Variants in CWF19L2 observed in about 807,000 individuals in gnomAD.
The protein encoded by CWF19L2 is CWF19-like protein 2.
CWF19L2 carries 98 observed loss-of-function variants against 111.7 expected under a neutral mutation model. That is an observed-to-expected ratio of 0.88 (90% CI 0.75 to 1.04). The LOEUF (loss-of-function observed/expected upper bound fraction) is 1.04, where lower values mean the gene tolerates loss of function less well. CWF19L2 is among the 50% of genes least tolerant of loss of function. The pLI is 0.00. For synonymous variants in CWF19L2, 351 were observed against 342.9 expected, an observed-to-expected ratio of 1.02 and a Z score of -0.26; for missense variants, 1,101 against 1,051.4, an observed-to-expected ratio of 1.05 and a Z score of -0.65.
intron 10 of CWF19L2, chr11:107,404,522 G>A: frequency 1.4e-6 from 1 of 713,476 alleles, no homozygotes; most frequent in Non-Finnish European, 2.6e-6. Flanking sequence ...CACAAACCTT[G>A]GAGTGCTGGG....
intron 7 of CWF19L2, among the ~76,000 whole-genome samples, chr11:107,430,799 G>C (rs145502601): frequency 6.6e-6 from 1 of 152,044 alleles, no homozygotes; most frequent in Non-Finnish European, 1.5e-5. Flanking sequence ...ACGATGTACA[G>C]TATGAGGACT....
At chr11:107,415,638 A>G (rs1283672426) in intron 10 of CWF19L2, among the ~76,000 whole-genome samples, 2 of 152,236 alleles carry the variant, frequency 1.3e-5, no homozygotes, top group East Asian at 3.8e-4. Flanking sequence ...AGTAAGCAGC[A>G]CAGTCCAGAA....
intron 10 of CWF19L2, among the ~76,000 whole-genome samples, chr11:107,396,412 A>G (rs1860922718): frequency 6.6e-6 from 1 of 152,210 alleles, no homozygotes; most frequent in Non-Finnish European, 1.5e-5. Context: ...AACAAATCCC[A>G]AAATGCTCTG....
intron 10 of CWF19L2, among the ~76,000 whole-genome samples, chr11:107,398,927 C>A (rs1459031622): frequency 1.3e-5 from 2 of 152,130 alleles, no homozygotes; most frequent in Non-Finnish European, 2.9e-5. Flanking sequence ...TTGTATCCAG[C>A]AAAACTAAGC....
intron 14 of CWF19L2, among the ~76,000 whole-genome samples, chr11:107,337,365 TTTTGTGTGTG>T (rs1859941190): frequency 8.8e-6 from 1 of 114,076 alleles, no homozygotes; most frequent in Admixed American, 9.0e-5. Flanking sequence ...GAGGTGTGTG[TTTTGTGTGTG>T]TGTGTGTGTG....
chr11:107,362,035 C>T (rs544147598), intron 12 of CWF19L2, among the ~76,000 whole-genome samples: 1 of 152,266 alleles, frequency 6.6e-6, no homozygotes, highest in Admixed American at 6.5e-5. Flanking sequence ...TCAGGGAGTT[C>T]CCTTTCTGAG....
chr11:107,361,759 T>G (rs1363985830), intron 12 of CWF19L2, among the ~76,000 whole-genome samples: 1 of 152,232 alleles, frequency 6.6e-6, no homozygotes, highest in Non-Finnish European at 1.5e-5. Context: ...CCTTGATGAC[T>G]TCATTCTCAG....
chr11:107,332,610 A>T (rs959360395), intron 16 of CWF19L2, among the ~76,000 whole-genome samples: 1 of 151,954 alleles, frequency 6.6e-6, no homozygotes, highest in African/African-American at 2.4e-5. Context: ...ATTATTAAGG[A>T]CATAAAGTTT....
chr11:107,348,898 A>C, intron 14 of CWF19L2, 39 bp downstream of exon 14: 1 of 1,206,782 alleles, frequency 8.3e-7, no homozygotes, highest in Non-Finnish European at 1.2e-6. Flanking sequence ...AAAATTGCTC[A>C]TGAGTTTTAA....
intron 14 of CWF19L2, among the ~76,000 whole-genome samples, chr11:107,345,980 A>C (rs560425320): frequency 3.2e-4 from 49 of 152,220 alleles, no homozygotes; most frequent in Admixed American, 8.5e-4. Flanking sequence ...ACTACTTTCC[A>C]CATTTCTAAC....
chr11:107,378,217 C>A (rs1049214474), intron 12 of CWF19L2, among the ~76,000 whole-genome samples: 1 of 149,066 alleles, frequency 6.7e-6, no homozygotes, highest in East Asian at 2.0e-4. Context: ...GGCGATTCCT[C>A]GGGGATCTAC....
At chr11:107,356,771 C>T (rs1447980442) in intron 12 of CWF19L2, among the ~76,000 whole-genome samples, 1 of 152,216 alleles carries the variant, frequency 6.6e-6, no homozygotes, top group Non-Finnish European at 1.5e-5. Context: ...GGCACAGTGG[C>T]TCATGCCTGT....
intron 10 of CWF19L2, among the ~76,000 whole-genome samples, chr11:107,407,212 A>G (rs144445689): frequency 0.011 from 1,741 of 152,224 alleles, 20 homozygotes; most frequent in Non-Finnish European, 0.017. Context: ...CAGTTTTTAT[A>G]AAGCACATTA....
At position 107,356,194 on chromosome 11, in the gene CWF19L2, AC is replaced by A. The variant is rs534066558; in HGVS notation, c.1873-2459del. On this transcript the variant is annotated intron_variant, in intron 12 of 17. Transcript: ENST00000282251. Reference sequence around the variant, plus strand: ...AGAAATGACTTTAAACAGCAATAAAACAAAAATACAACATATCAGAATTTGT... The same window carrying A: ...AGAAATGACTTTAAACAGCAATAAAAAAAAATACAACATATCAGAATTTGT... Among the ~76,000 whole-genome samples the A allele has an allele frequency of 1.7e-3, 253 of 152,330 alleles. 2 individuals are homozygous for A. The highest frequency in any genetic ancestry group is 3.5e-4 in the Non-Finnish European group (24 of 68,032).
intron 10 of CWF19L2, among the ~76,000 whole-genome samples, chr11:107,399,307 T>C (rs914764026): frequency 3.9e-5 from 6 of 152,098 alleles, no homozygotes; most frequent in African/African-American, 1.2e-4. Context: ...ACCAACCAAC[T>C]ATGTGCCACC....
Position 107,372,941 on chromosome 11 carries a change from A to G in CWF19L2, c.1872+17133T>C, listed in dbSNP as rs553215414. Among the ~76,000 whole-genome samples the G allele has an allele frequency of 4.2e-5, 5 of 119,740 alleles. 1 individual carries two copies. In the South Asian group the frequency reaches 1.1e-3, roughly 27 times the overall value. 78.6% of individuals were successfully genotyped at this position (119,740 alleles called of 152,430 possible). ...CACCATGCGTGAGCCGAAGCAGGGC[A>G]AGGCATTGCCTCACTTGGGAAGTGC... On this transcript the variant is annotated intron_variant, in intron 12 of 17. Coordinates refer to ENST00000282251, the MANE Select transcript of CWF19L2 (RefSeq NM_152434.3).
chr11:107,357,435 G>A (rs1045297430), intron 12 of CWF19L2, among the ~76,000 whole-genome samples: 4 of 152,166 alleles, frequency 2.6e-5, no homozygotes, highest in Non-Finnish European at 5.9e-5. Context: ...GCCTTCATAT[G>A]ATATAGCCCA....
intron 14 of CWF19L2, among the ~76,000 whole-genome samples, chr11:107,341,453 G>A (rs1271599430): frequency 1.3e-5 from 2 of 152,086 alleles, no homozygotes; most frequent in Non-Finnish European, 2.9e-5. Context: ...TGGACATAGT[G>A]TGTTATTGTT....
At chr11:107,414,063 C>T (rs187711768) in intron 10 of CWF19L2, among the ~76,000 whole-genome samples, 1 of 152,280 alleles carries the variant, frequency 6.6e-6, no homozygotes, top group African/African-American at 2.4e-5. Context: ...AGTTACTTAG[C>T]CCTCTGTGCC....
Sources: gnomAD v4.1 joint callset for allele counts (sites outside exome capture counted in the v4.1 genomes callset) on GRCh38, gnomAD v4.1.1 for gene constraint, MANE v1.5 for transcripts, NCBI Gene and HGNC (gene_info 2026-07-23, HGNC 2026-07-21) for gene names.